Variants in GSE1 observed in about 807,000 individuals in gnomAD.
GSE1 encodes Gse1 coiled-coil protein, also known as genetic suppressor element 1.
GSE1 carries 32 observed loss-of-function variants against 112.6 expected under a neutral mutation model. The observed-to-expected ratio is 0.28, with a 90% CI of 0.21 to 0.38. The LOEUF (loss-of-function observed/expected upper bound fraction) is 0.38, where lower values mean the gene tolerates loss of function less well. Ranked by LOEUF, GSE1 falls within the 10% of genes least tolerant of loss-of-function variation. The pLI is 1.00. For missense variants in GSE1, 2,348 were observed against 1,699.2 expected (o/e 1.38, Z -6.71); for synonymous variants, 1,115 against 735.6 (o/e 1.52, Z -8.35).
chr16:85,548,227 C>CAAAAAAAA (rs1241025677), intron 2 of GSE1, among the ~76,000 whole-genome samples: 7 of 69,862 alleles, frequency 1.0e-4, no homozygotes, highest in Admixed American at 2.9e-4. Context: ...GACTCTTTCT[C>CAAAAAAAA]AAAAAAAAAA....
intron 2 of GSE1, among the ~76,000 whole-genome samples, chr16:85,408,198 T>C (rs76219004): frequency 2.6e-4 from 4 of 15,432 alleles, no homozygotes; most frequent in African/African-American, 8.5e-4. Flanking sequence ...CAGGCCCCCC[T>C]GGATAATACT....
At chr16:85,248,496 T>A (rs1029946734) in intron 1 of GSE1, among the ~76,000 whole-genome samples, 2 of 151,640 alleles carry the variant, frequency 1.3e-5, no homozygotes, top group African/African-American at 4.9e-5. Context: ...CTCCCTCCCT[T>A]TCTCTGCCTC....
chr16:85,207,031 C>T (rs1018055307), intron 1 of GSE1, among the ~76,000 whole-genome samples: 21 of 152,218 alleles, frequency 1.4e-4, no homozygotes, highest in Non-Finnish European at 2.1e-4. Flanking sequence ...TTCTCCAGGC[C>T]CACTGCTGGC....
At chr16:85,625,191 G>A (rs766289011) in intron 1 of GSE1, among the ~76,000 whole-genome samples, 94 of 152,066 alleles carry the variant, frequency 6.2e-4, no homozygotes, top group Admixed American at 8.5e-4. Context: ...CGCCCTTCCC[G>A]CCGCCCTCCT....
chr16:85,217,152 G>A (rs920082705), intron 1 of GSE1, among the ~76,000 whole-genome samples: 5 of 152,234 alleles, frequency 3.3e-5, no homozygotes, highest in Non-Finnish European at 7.3e-5. Flanking sequence ...TGAGAGTAGC[G>A]ACTTCACAGG....
intron 1 of GSE1, among the ~76,000 whole-genome samples, chr16:85,312,118 G>A (rs1458929496): frequency 7.1e-6 from 1 of 140,060 alleles, no homozygotes; most frequent in African/African-American, 2.9e-5. Context: ...TCTCCTGCTG[G>A]CCCCCTCGCC....
intron 2 of GSE1, among the ~76,000 whole-genome samples, chr16:85,472,858 G>A (rs1303740151): frequency 6.6e-6 from 1 of 152,260 alleles, no homozygotes; most frequent in East Asian, 1.9e-4. Context: ...GTGGTGGCAG[G>A]GGGCAGGGGC....
At chr16:85,622,123 G>A (rs998100447) in intron 1 of GSE1, among the ~76,000 whole-genome samples, 1 of 152,224 alleles carries the variant, frequency 6.6e-6, no homozygotes, top group Non-Finnish European at 1.5e-5. Flanking sequence ...CAGGATGATT[G>A]TGGCCGGAAA....
chr16:85,313,729 C>G (rs1355380135), intron 1 of GSE1, among the ~76,000 whole-genome samples: 1 of 152,230 alleles, frequency 6.6e-6, no homozygotes, highest in Non-Finnish European at 1.5e-5. Flanking sequence ...TGTCCGGGAG[C>G]CTCTGGGCAG....
At chr16:85,571,556 G>T (rs921124728) in intron 1 of GSE1, among the ~76,000 whole-genome samples, 1 of 152,218 alleles carries the variant, frequency 6.6e-6, no homozygotes, top group African/African-American at 2.4e-5. Context: ...ACTGGCACGG[G>T]CCTGGGAGCG....
At chr16:85,510,973 C>G (rs1035030029) in intron 2 of GSE1, among the ~76,000 whole-genome samples, 1 of 152,268 alleles carries the variant, frequency 6.6e-6, no homozygotes, top group African/African-American at 2.4e-5. Context: ...CCGTTCCTCT[C>G]TGGCTTTATT....
intron 2 of GSE1, among the ~76,000 whole-genome samples, chr16:85,537,389 C>T (rs2044366962): frequency 6.6e-6 from 1 of 152,208 alleles, no homozygotes; most frequent in Admixed American, 6.5e-5. Context: ...AGCTCGGTGA[C>T]TCCTGGACCT....
intron 2 of GSE1, among the ~76,000 whole-genome samples, chr16:85,430,237 A>T (rs2049088193): frequency 6.6e-6 from 1 of 152,216 alleles, no homozygotes; most frequent in Non-Finnish European, 1.5e-5. Context: ...GAGGAAACAG[A>T]TAGAATGCAG....
At chr16:85,274,267 C>G (rs1048169933) in intron 1 of GSE1, among the ~76,000 whole-genome samples, 17 of 151,926 alleles carry the variant, frequency 1.1e-4, no homozygotes, top group African/African-American at 3.1e-4. Context: ...CCCCTGTAAT[C>G]CCAGCTACTC....
At chr16:85,242,926 C>G (rs924925982) in intron 1 of GSE1, among the ~76,000 whole-genome samples, 1 of 152,142 alleles carries the variant, frequency 6.6e-6, no homozygotes. Flanking sequence ...ATCCTCCCAC[C>G]CCAGCCTCCT....
intron 2 of GSE1, among the ~76,000 whole-genome samples, chr16:85,498,597 G>A (rs2051260098): frequency 6.6e-6 from 1 of 152,062 alleles, no homozygotes; most frequent in African/African-American, 2.4e-5. Context: ...ATAAACACAT[G>A]TGTATATATG....
chr16:85,362,807 C>T (rs1223744178), intron 2 of GSE1, among the ~76,000 whole-genome samples: 2 of 150,538 alleles, frequency 1.3e-5, no homozygotes, highest in Non-Finnish European at 1.5e-5. Flanking sequence ...GCTGTGAAAC[C>T]GTTTCTGAAG....
chr16:85,171,943 G>A, intron 1 of GSE1: 1 of 423,406 alleles, frequency 2.4e-6, no homozygotes, highest in Non-Finnish European at 3.2e-6. Context: ...TCCGGGGGAG[G>A]TACCCTCCCT....
At position 85,560,229 on chromosome 16, in the gene GSE1, G is replaced by A. The variant is rs537622169; in HGVS notation, c.37+3866G>A. Among the ~76,000 whole-genome samples the A allele has an allele frequency of 1.4e-4, 20 of 146,230 alleles. No homozygotes were observed. In the South Asian group the frequency reaches 3.1e-3, roughly 23 times the overall value. ...CGGCTCACTGCAACCTCCGCCTCCCGGGTTCAAGCGATTGTCCTGCCTCAG... is the reference window on the plus strand; with the variant it reads ...CGGCTCACTGCAACCTCCGCCTCCCAGGTTCAAGCGATTGTCCTGCCTCAG... On this transcript the variant is annotated intron_variant, in intron 1 of 2. Coordinates refer to the GSE1 transcript ENST00000635906.
Sources: gnomAD v4.1 joint callset for allele counts (sites outside exome capture counted in the v4.1 genomes callset) on GRCh38, gnomAD v4.1.1 for gene constraint, MANE v1.5 for transcripts, NCBI Gene and HGNC (gene_info 2026-07-23, HGNC 2026-07-21) for gene names.